SLC6A6: variants seen among roughly 807,000 people sequenced by gnomAD.
SLC6A6 encodes sodium- and chloride-dependent taurine transporter.
SLC6A6 carries 16 observed loss-of-function variants against 68.8 expected under a neutral mutation model. The ratio of observed to expected loss-of-function variants is 0.23; its 90% CI spans 0.16 to 0.35. The LOEUF is 0.35. Among genes scored for constraint, SLC6A6 ranks in the 10% least tolerant of loss-of-function variants. The pLI, the probability that SLC6A6 is intolerant of heterozygous loss-of-function variation, is 1.00. For missense variants in SLC6A6, 474 were observed against 802.8 expected (o/e 0.59, Z 4.95); for synonymous variants, 312 against 315.4 (o/e 0.99, Z 0.12).
At chr3:14,405,763 G>A (rs773897883) in intron 1 of SLC6A6, among the ~76,000 whole-genome samples, 4 of 152,222 alleles carry the variant, frequency 2.6e-5, no homozygotes, top group Non-Finnish European at 5.9e-5. Flanking sequence ...CTTTTTTAAT[G>A]TGCTTCATTT....
Position 14,485,710 on chromosome 3 carries a change from A to C in SLC6A6, c.*703A>C, listed in dbSNP as rs906932471. 1.3e-5 allele frequency: 2 copies of C among 152,676 alleles called. No individual in the cohort carries two copies. The highest frequency in any genetic ancestry group is 2.9e-5 in the Non-Finnish European group (2 of 68,044). 9.5% of individuals were successfully genotyped at this position (152,676 alleles called of 1,614,324 possible). A position where few individuals can be genotyped will look rare whatever the true frequency, so the allele number is the denominator to read the frequency against. On this transcript the variant is annotated 3_prime_UTR_variant, in exon 15 of 15. Coordinates refer to ENST00000622186, the MANE Select transcript of SLC6A6 (RefSeq NM_003043.6). ...AAGCTGAATGAGGAGGCCCTATAGC[A>C]GAAGTCTGATTCTAAGAGCAGTAGA...
Position 14,487,828 on chromosome 3 carries a change from G to A in SLC6A6, c.*2821G>A, listed in dbSNP as rs1246785914. On this transcript the variant is annotated 3_prime_UTR_variant, in exon 15 of 15. Coordinates refer to ENST00000622186, the MANE Select transcript of SLC6A6 (RefSeq NM_003043.6). ...GTTCTCCGAGGTAGGTGCAGGGAAT[G>A]GTGAGTGTCTAACCAGGGCTACATC... 6.6e-6 allele frequency: 1 copy of A among 152,300 alleles called. No homozygotes were observed. The highest frequency in any genetic ancestry group is 1.5e-5 in the Non-Finnish European group (1 of 68,078). 9.4% of individuals were successfully genotyped at this position (152,300 alleles called of 1,614,324 possible).
At chr3:14,449,967 G>T (rs1277378365) in intron 5 of SLC6A6, among the ~76,000 whole-genome samples, 1 of 152,054 alleles carries the variant, frequency 6.6e-6, no homozygotes, top group South Asian at 2.1e-4. Context: ...GGCCAGGATG[G>T]TCTCAATCTC....
intron 6 of SLC6A6, 152 bp downstream of exon 6, chr3:14,458,234 C>T: frequency 2.9e-6 from 2 of 679,016 alleles, no homozygotes; most frequent in Non-Finnish European, 5.1e-6. Context: ...AAAAGTAAAA[C>T]TCAGGTTTGT....
intron 2 of SLC6A6, among the ~76,000 whole-genome samples, chr3:14,441,133 G>A (rs554985772): frequency 1.5e-4 from 23 of 152,182 alleles, no homozygotes; most frequent in African/African-American, 3.9e-4. Flanking sequence ...GGGCAGAGCC[G>A]GGACTCTCAG....
intron 1 of SLC6A6, among the ~76,000 whole-genome samples, chr3:14,404,196 GC>G (rs1264227655): frequency 6.6e-6 from 1 of 152,160 alleles, no homozygotes; most frequent in Non-Finnish European, 1.5e-5. Flanking sequence ...TTTTTTGTTG[GC>G]TAGAAGGGAG....
At chr3:14,448,860 CTCT>C (rs921603703) in intron 5 of SLC6A6, among the ~76,000 whole-genome samples, 1 of 152,346 alleles carries the variant, frequency 6.6e-6, no homozygotes, top group East Asian at 1.9e-4. Context: ...CATCATTTCC[CTCT>C]TCTTCATAAG....
Position 14,468,632 on chromosome 3 carries a change from C to T in SLC6A6, c.1096+420C>T, listed in dbSNP as rs1008736393. ...TATTTTGCACTTTGCTCCCAGCGTG[C>T]TCCCTCTAAGCAGACGCATTCATCC... On this transcript the variant is annotated intron_variant, in intron 9 of 14. Coordinates refer to ENST00000622186, the MANE Select transcript of SLC6A6 (RefSeq NM_003043.6). This position sits in a 1 kb window ranked among gnomAD's most constrained non-coding sequence, Gnocchi z 4.5. Among the ~76,000 whole-genome samples, 6 of 152,148 alleles carry T rather than the reference C, an allele frequency of 3.9e-5. No individual in the cohort carries two copies. The highest frequency in any genetic ancestry group is 8.8e-5 in the Non-Finnish European group (6 of 68,018).
intron 3 of SLC6A6, 32 bp downstream of exon 3, chr3:14,443,895 T>G: frequency 6.7e-7 from 1 of 1,501,094 alleles, no homozygotes; most frequent in Non-Finnish European, 9.3e-7. Context: ...GGGGAGCCCA[T>G]CCAGTACAAA....
intron 4 of SLC6A6, 32 bp from the exon 5 acceptor site, chr3:14,447,550 A>C: frequency 6.2e-7 from 1 of 1,612,416 alleles, no homozygotes; most frequent in East Asian, 2.2e-5. Flanking sequence ...CCTCCCTCAG[A>C]TGTTTACTCA....
In SLC6A6 at chr3:14,485,155, C is replaced by CGTGTGT; in HGVS notation, c.*151_*152insTGTGTG. The CGTGTGT allele has an allele frequency of 1.8e-6, 1 of 557,458 alleles. No homozygotes were observed. Among genetic ancestry groups the CGTGTGT allele is most frequent in the Non-Finnish European group, 2.9e-6 (1 of 340,984 alleles). 34.5% of individuals were successfully genotyped at this position (557,458 alleles called of 1,614,324 possible). A position where few individuals can be genotyped will look rare whatever the true frequency, so the allele number is the denominator to read the frequency against. On this transcript the variant is annotated 3_prime_UTR_variant, in exon 15 of 15. Coordinates refer to ENST00000622186, the MANE Select transcript of SLC6A6 (RefSeq NM_003043.6). ...GAAAATGTAATTGTGGGTATGTGTG[C>CGTGTGT]GTGCGTGTGTGTGTGTGTGTGTATC...
At position 14,410,865 on chromosome 3, in the gene SLC6A6, G is replaced by A. The variant is rs540279275; in HGVS notation, c.-53-5547G>A. Among the ~76,000 whole-genome samples, 33 of 152,354 alleles carry A rather than the reference G, an allele frequency of 2.2e-4. No homozygotes were observed. In the East Asian group the frequency reaches 2.9e-3, roughly 13 times the overall value. Reference sequence around the variant, plus strand: ...AGGTGGAGGAGTGTGGTTGGCCAGCGATTTCAGCAGAGTCATGCTTACTGA... The same window carrying A: ...AGGTGGAGGAGTGTGGTTGGCCAGCAATTTCAGCAGAGTCATGCTTACTGA... On this transcript the variant is annotated intron_variant, in intron 1 of 14. Coordinates refer to ENST00000622186, the MANE Select transcript of SLC6A6 (RefSeq NM_003043.6).
intron 12 of SLC6A6, 38 bp from the exon 13 acceptor site, chr3:14,479,047 A>C: frequency 7.2e-7 from 1 of 1,396,916 alleles, no homozygotes; most frequent in Non-Finnish European, 1.0e-6. Context: ...CTGGCCTTGA[A>C]CGCTGTGTCA....
chr3:14,438,566 A>G lies in SLC6A6; in HGVS notation c.-11-5058A>G, dbSNP rs190816001. Among the ~76,000 whole-genome samples the G allele has an allele frequency of 2.6e-5, 4 of 152,248 alleles. No individual in the cohort carries two copies. The East Asian group carries it at 5.8e-4, about 22-fold the overall frequency. On this transcript the variant is annotated intron_variant, in intron 2 of 14. Coordinates refer to ENST00000622186, the MANE Select transcript of SLC6A6 (RefSeq NM_003043.6). ...TCAGTTTTCCCCACCTGTAGAATGGATGTCATCCAGGTCTCTTCTTGCCCC... is the reference window on the plus strand; with the variant it reads ...TCAGTTTTCCCCACCTGTAGAATGGGTGTCATCCAGGTCTCTTCTTGCCCC...
chr3:14,458,487 G>A (rs1050331932), intron 6 of SLC6A6, among the ~76,000 whole-genome samples: 1 of 152,244 alleles, frequency 6.6e-6, no homozygotes, highest in African/African-American at 2.4e-5. Context: ...CAGGAGGTTA[G>A]CCAGCAACCG....
At chr3:14,455,971 CTG>C (rs1700358275) in intron 5 of SLC6A6, among the ~76,000 whole-genome samples, 1 of 152,264 alleles carries the variant, frequency 6.6e-6, no homozygotes, top group South Asian at 2.1e-4. Context: ...AATTTAGGCT[CTG>C]TTTTCTCTTA....
In SLC6A6 at chr3:14,486,005, G is replaced by A. The variant is rs1396909657; in HGVS notation, c.*998G>A. On this transcript the variant is annotated 3_prime_UTR_variant, in exon 15 of 15. Coordinates refer to ENST00000622186, the MANE Select transcript of SLC6A6 (RefSeq NM_003043.6). ...GATGAGTCTGTTGCATTTGAATGGG[G>A]TCATAGCAGGTTCTGGTCATTCCCC... 1 of 152,660 alleles carries A rather than the reference G, an allele frequency of 6.6e-6. No individual in the cohort carries two copies. Among genetic ancestry groups the A allele is most frequent in the Non-Finnish European group, 1.5e-5 (1 of 68,074 alleles). 9.5% of individuals were successfully genotyped at this position (152,660 alleles called of 1,614,324 possible). A position where few individuals can be genotyped will look rare whatever the true frequency, so the allele number is the denominator to read the frequency against.
In SLC6A6 at chr3:14,419,041, T is replaced by G. The variant is rs142411165; in HGVS notation, c.-12+2588T>G. On this transcript the variant is annotated intron_variant, in intron 2 of 14. Transcript: ENST00000622186. ...CTGGAATGTGAGTTCTGCTTCCAGA[T>G]AGAGTCTTGTGCAAGGGGCCCTGCC... 2.2e-3 allele frequency among the ~76,000 whole-genome samples: 331 copies of G among 152,298 alleles called. 3 individuals are homozygous for G. The highest frequency in any genetic ancestry group is 7.8e-3 in the African/African-American group (326 of 41,562).
chr3:14,462,269 C>T (rs1368401018), intron 6 of SLC6A6, among the ~76,000 whole-genome samples: 1 of 152,200 alleles, frequency 6.6e-6, no homozygotes, highest in Admixed American at 6.5e-5. Flanking sequence ...AAACCAAAAC[C>T]CATCTGAGAC....
Sources: gnomAD v4.1 joint callset for allele counts (sites outside exome capture counted in the v4.1 genomes callset) on GRCh38, gnomAD v4.1.1 for gene constraint, Gnocchi (gnomAD v3.1) non-coding constraint, MANE v1.5 for transcripts, NCBI Gene and HGNC (gene_info 2026-07-23, HGNC 2026-07-21) for gene names.